KYNU: variants seen among roughly 807,000 people sequenced by gnomAD.
KYNU encodes the protein kynureninase, also known as L-kynurenine hydrolase.
KYNU carries 54 observed loss-of-function variants against 59.2 expected under a neutral mutation model. That is an observed-to-expected ratio of 0.91 (90% CI 0.73 to 1.14). The LOEUF (loss-of-function observed/expected upper bound fraction) is 1.14. KYNU is among the 50% of genes most tolerant of loss of function. The probability of loss-of-function intolerance (pLI) is 0.00; values close to 1 mark genes in which losing one functional copy is unlikely to be tolerated. For synonymous variants in KYNU, 177 were observed against 192.0 expected (o/e 0.92, Z 0.65); for missense variants, 567 against 554.4 (o/e 1.02, Z -0.23).
intron 4 of KYNU, among the ~76,000 whole-genome samples, chr2:142,949,685 A>G (rs1359738789): frequency 1.3e-5 from 2 of 152,156 alleles, no homozygotes; most frequent in Non-Finnish European, 2.9e-5. Flanking sequence ...TTTTCCTCCT[A>G]GCCCTCTGGG....
At chr2:142,971,038 A>G (rs1684704042) in intron 8 of KYNU, 1 of 152,202 alleles carries the variant, frequency 6.6e-6, no homozygotes, top group Admixed American at 6.6e-5. Context: ...TTGTATTAGC[A>G]AACATGGTGT....
chr2:142,909,645 T>C (rs1372720240), intron 2 of KYNU, among the ~76,000 whole-genome samples: 1 of 152,240 alleles, frequency 6.6e-6, no homozygotes, highest in South Asian at 2.1e-4. Context: ...ATTCTTTCTA[T>C]GGCTATGTAG....
intron 8 of KYNU, among the ~76,000 whole-genome samples, chr2:142,972,805 T>TAG (rs200579092): frequency 1.4e-4 from 19 of 138,996 alleles, no homozygotes; most frequent in African/African-American, 5.2e-4. Context: ...TATATATATA[T>TAG]ATATATATAG....
rs1209537470 is a variant in KYNU, at chr2:142,885,440, A to G, written c.73A>G (p.Thr25Ala). 20 of 1,613,548 alleles carry G rather than the reference A, an allele frequency of 1.2e-5. No individual in the cohort carries two copies. The highest frequency in any genetic ancestry group is 1.6e-5 in the Non-Finnish European group (19 of 1,179,630). Residue 25 changes from threonine to alanine, a missense_variant, in exon 2 of 14, where the codon ACG (threonine) becomes GCG (alanine). Transcript: ENST00000264170. ...RIAAELKCHP[T>A]DERVALHLDE... ...TGCGGCTGAACTCAAATGCCACCCA[A>G]CGGATGAGAGGGTGGCTCTCCACCT... is the stretch of plus-strand genomic sequence containing the variant.
intron 3 of KYNU, among the ~76,000 whole-genome samples, chr2:142,919,998 G>C (rs1353299090): frequency 6.6e-6 from 1 of 152,142 alleles, no homozygotes; most frequent in Non-Finnish European, 1.5e-5. Context: ...CTTGAACCCG[G>C]GAGGCAGAGG....
intron 2 of KYNU, among the ~76,000 whole-genome samples, chr2:142,900,653 G>A (rs547737922): frequency 8.5e-5 from 13 of 152,224 alleles, no homozygotes; most frequent in East Asian, 1.9e-4. Flanking sequence ...ATTCTTAGTC[G>A]GCCTAGGAAA....
intron 10 of KYNU, among the ~76,000 whole-genome samples, chr2:143,004,992 C>G (rs1385434513): frequency 2.0e-5 from 3 of 152,184 alleles, no homozygotes; most frequent in Non-Finnish European, 4.4e-5. Flanking sequence ...ATTGTGTTTT[C>G]TCTAAATAAA....
Position 142,929,164 on chromosome 2 carries a change from AT to A in KYNU, c.373+1427del, listed in dbSNP as rs1410311822. Among the ~76,000 whole-genome samples the A allele has an allele frequency of 2.0e-5, 3 of 151,796 alleles. No homozygotes were observed. The East Asian group carries it at 5.8e-4, about 29-fold the overall frequency. On this transcript the variant is annotated intron_variant, in intron 4 of 13. Coordinates refer to ENST00000264170, the MANE Select transcript of KYNU (RefSeq NM_003937.3). Reference sequence around the variant, plus strand: ...TTAATCACACTACCAAAGAGGCATAATTTTCCAGTTGATTTAGGACTGAACA... The same window carrying A: ...TTAATCACACTACCAAAGAGGCATAATTTCCAGTTGATTTAGGACTGAACA...
chr2:142,931,648 G>T (rs1360378189), intron 4 of KYNU, among the ~76,000 whole-genome samples: 1 of 152,202 alleles, frequency 6.6e-6, no homozygotes, highest in Non-Finnish European at 1.5e-5. Flanking sequence ...GCTGCTTTTG[G>T]TGTTGTGTGG....
chr2:142,937,870 T>C (rs1355429061), intron 4 of KYNU, among the ~76,000 whole-genome samples: 2 of 152,262 alleles, frequency 1.3e-5, no homozygotes, highest in African/African-American at 2.4e-5. Flanking sequence ...AAGTTTAGGC[T>C]AAAGTTAATT....
Position 142,885,510 on chromosome 2 carries a change from T to A in KYNU, c.143T>A (p.Ile48Asn). 6.2e-7 allele frequency: 1 copy of A among 1,613,794 alleles called. No homozygotes were observed. Among genetic ancestry groups the A allele is most frequent in the East Asian group, 2.2e-5 (1 of 44,874 alleles). The part of the protein sequence containing the change: ...KLRHFRECFY[I>N]PKIQDLPPVD... ...AGGCACTTCAGGGAGTGCTTTTATA[T>A]TCCCAAAATACAGGATCTGCCTCCA... is the stretch of plus-strand genomic sequence containing the variant. Residue 48 changes from isoleucine to asparagine, a missense_variant, in exon 2 of 14, where the codon ATT (isoleucine) becomes AAT (asparagine). Coordinates refer to ENST00000264170, the MANE Select transcript of KYNU (RefSeq NM_003937.3).
intron 10 of KYNU, among the ~76,000 whole-genome samples, chr2:143,025,159 A>T (rs1686516286): frequency 6.6e-6 from 1 of 152,046 alleles, no homozygotes; most frequent in Non-Finnish European, 1.5e-5. Context: ...TTCCAAACGC[A>T]TGGAATATTA....
intron 10 of KYNU, among the ~76,000 whole-genome samples, chr2:143,014,225 T>C (rs555612280): frequency 6.6e-6 from 1 of 152,342 alleles, no homozygotes; most frequent in East Asian, 1.9e-4. Context: ...TCATCAGATC[T>C]TCTCAAACAT....
intron 2 of KYNU, among the ~76,000 whole-genome samples, chr2:142,903,567 C>T (rs1329118442): frequency 1.3e-5 from 2 of 151,816 alleles, no homozygotes; most frequent in Non-Finnish European, 2.9e-5. Context: ...TTGTCCAGGA[C>T]AGGAGAGTAA....
At chr2:142,957,791 A>T in intron 7 of KYNU, 76 bp downstream of exon 7, 2 of 927,134 alleles carry the variant, frequency 2.2e-6, no homozygotes, top group Non-Finnish European at 3.5e-6. Flanking sequence ...TCAAAAGTTT[A>T]TTAAAATCTT....
chr2:143,021,728 A>G (rs903688463), intron 10 of KYNU, among the ~76,000 whole-genome samples: 2 of 152,152 alleles, frequency 1.3e-5, no homozygotes, highest in African/African-American at 4.8e-5. Context: ...TGAGAAATCC[A>G]TCCCCATGGT....
At chr2:142,939,038 AGTTTGAGCTAC>A (rs1242394023) in intron 4 of KYNU, among the ~76,000 whole-genome samples, 1 of 152,152 alleles carries the variant, frequency 6.6e-6, no homozygotes, top group Non-Finnish European at 1.5e-5. Context: ...TCATACCTGT[AGTTTGAGCTAC>A]TTTTTAGGCT....
chr2:142,913,474 T>C (rs1682571938), intron 2 of KYNU, among the ~76,000 whole-genome samples: 1 of 152,192 alleles, frequency 6.6e-6, no homozygotes, highest in South Asian at 2.1e-4. Flanking sequence ...CAGGAGTAAG[T>C]TGCTTAATTT....
chr2:142,884,506 G>C (rs914717731), intron 1 of KYNU, among the ~76,000 whole-genome samples: 12 of 151,992 alleles, frequency 7.9e-5, no homozygotes, highest in African/African-American at 2.9e-4. Context: ...CTCCTCATAA[G>C]ATACCTAGAG....
Sources: allele counts gnomAD v4.1 joint callset (sites outside exome capture counted in the v4.1 genomes callset), GRCh38; gene constraint gnomAD v4.1.1; transcripts MANE v1.5; gene names NCBI Gene and HGNC (gene_info 2026-07-23, HGNC 2026-07-21).